The following IMMP1L variants were observed in gnomAD, a reference collection of about 807,000 sequenced individuals.
The protein encoded by IMMP1L is mitochondrial inner membrane protease subunit 1.
A neutral mutation model predicts 21.8 loss-of-function variants in IMMP1L; 24 were observed. The ratio of observed to expected loss-of-function variants is 1.10; its 90% CI spans 0.80 to 1.55. The LOEUF (loss-of-function observed/expected upper bound fraction) is 1.55. Ranked by LOEUF, IMMP1L falls within the 40% of genes most tolerant of loss-of-function variation. IMMP1L has a pLI of 0.00. For missense variants in IMMP1L, 195 were observed against 200.7 expected, an observed-to-expected ratio of 0.97 and a Z score of 0.17; for synonymous variants, 46 against 62.8, an observed-to-expected ratio of 0.73 and a Z score of 1.26.
intron 1 of IMMP1L, among the ~76,000 whole-genome samples, chr11:31,465,568 C>A (rs1234274370): frequency 6.6e-6 from 1 of 151,960 alleles, no homozygotes; most frequent in African/African-American, 2.4e-5. Context: ...GCTATAGTAA[C>A]CAAAACAGCA....
At chr11:31,469,301 G>A (rs982299464) in intron 1 of IMMP1L, among the ~76,000 whole-genome samples, 2 of 151,932 alleles carry the variant, frequency 1.3e-5, no homozygotes, top group African/African-American at 4.8e-5. Context: ...AGCAACAGGT[G>A]ATTCAGGTAT....
intron 2 of IMMP1L, 31 bp downstream of exon 2, chr11:31,463,141 A>C: frequency 1.3e-6 from 2 of 1,543,538 alleles, no homozygotes; most frequent in Non-Finnish European, 1.8e-6. Context: ...GTATATATTT[A>C]AGATGAATAT....
chr11:31,464,941 T>C (rs1284458560), intron 1 of IMMP1L, among the ~76,000 whole-genome samples: 2 of 152,004 alleles, frequency 1.3e-5, no homozygotes, highest in Non-Finnish European at 2.9e-5. Flanking sequence ...GTCACAGCCA[T>C]AGCAATTAGG....
At chr11:31,471,196 C>A (rs1394323022) in intron 1 of IMMP1L, among the ~76,000 whole-genome samples, 2 of 152,242 alleles carry the variant, frequency 1.3e-5, no homozygotes, top group East Asian at 3.9e-4. Context: ...ATACACTGTA[C>A]ATATGTATCA....
intron 1 of IMMP1L, among the ~76,000 whole-genome samples, chr11:31,473,027 G>A (rs1245149604): frequency 1.3e-5 from 2 of 151,430 alleles, no homozygotes; most frequent in Non-Finnish European, 2.9e-5. Context: ...CACCTCGCAC[G>A]GCTAATTTTT....
chr11:31,486,552 T>C (rs1297283093), intron 1 of IMMP1L, among the ~76,000 whole-genome samples: 2 of 150,188 alleles, frequency 1.3e-5, no homozygotes, highest in African/African-American at 4.8e-5. Context: ...TTTTAGAATG[T>C]TCCCCAACAT....
intron 3 of IMMP1L, among the ~76,000 whole-genome samples, chr11:31,459,135 G>A (rs1954053259): frequency 6.6e-6 from 1 of 152,186 alleles, no homozygotes; most frequent in South Asian, 2.1e-4. Context: ...CTACAATTAA[G>A]TATATAGAAG....
intron 1 of IMMP1L, among the ~76,000 whole-genome samples, chr11:31,501,459 C>T (rs1160659058): frequency 2.6e-5 from 4 of 152,168 alleles, no homozygotes; most frequent in South Asian, 2.1e-4. Context: ...TATGTGATAA[C>T]ACAGCAAGGA....
At chr11:31,468,143 G>C (rs1031934426) in intron 1 of IMMP1L, among the ~76,000 whole-genome samples, 6 of 152,056 alleles carry the variant, frequency 3.9e-5, no homozygotes, top group African/African-American at 1.4e-4. Flanking sequence ...TTGGATCCTG[G>C]AGCAAAAGGA....
intron 1 of IMMP1L, 28 bp downstream of exon 1, chr11:31,509,491 G>C: frequency 2.1e-6 from 1 of 476,500 alleles, no homozygotes; most frequent in Non-Finnish European, 3.8e-6. Context: ...CACTCAAAAG[G>C]AGAAGAACGT....
At position 31,460,669 on chromosome 11, in the gene IMMP1L, C is replaced by A; in HGVS notation, c.151G>T (p.Val51Phe). The A allele has an allele frequency of 6.2e-7, 1 of 1,611,434 alleles. No individual in the cohort carries two copies. The highest frequency in any genetic ancestry group is 1.7e-5 in the Admixed American group (1 of 59,960). Residue 51 changes from valine (V) to phenylalanine (F), a missense_variant, in exon 3 of 6, where the codon GTC (valine) becomes TTC (phenylalanine). Transcript: ENST00000532287. ...MEPTIQNSDI[V>F]FAENLSRHFY... The stretch of plus-strand genomic sequence containing the variant: ...TGTCGACTAAGATTTTCTGCAAAGA[C>A]AATATCTGAATTTTGAATTGTAGGC...
chr11:31,491,807 C>T (rs1592031890), intron 1 of IMMP1L, among the ~76,000 whole-genome samples: 1 of 152,142 alleles, frequency 6.6e-6, no homozygotes, highest in Admixed American at 6.5e-5. Context: ...ATGAGATTAT[C>T]CAGGAAAGAT....
intron 4 of IMMP1L, among the ~76,000 whole-genome samples, chr11:31,453,938 A>G (rs963380281): frequency 2.0e-5 from 3 of 152,326 alleles, no homozygotes; most frequent in African/African-American, 7.2e-5. Flanking sequence ...TGAAGCCACT[A>G]TATGTGTTTC....
chr11:31,464,513 A>G (rs187675538), intron 1 of IMMP1L, among the ~76,000 whole-genome samples: 4 of 152,258 alleles, frequency 2.6e-5, no homozygotes, highest in Admixed American at 1.3e-4. Context: ...AAAATCCCCA[A>G]TGAGCTCAGA....
intron 4 of IMMP1L, among the ~76,000 whole-genome samples, chr11:31,454,795 A>T (rs1953885735): frequency 6.6e-6 from 1 of 152,214 alleles, no homozygotes; most frequent in South Asian, 2.1e-4. Flanking sequence ...AAAGAAATCA[A>T]CAACAATGAT....
chr11:31,503,933 T>C (rs1955703941), intron 1 of IMMP1L, among the ~76,000 whole-genome samples: 3 of 152,214 alleles, frequency 2.0e-5, no homozygotes, highest in Admixed American at 2.0e-4. Flanking sequence ...CTAATTTATG[T>C]GTGACTTTAT....
intron 4 of IMMP1L, among the ~76,000 whole-genome samples, chr11:31,434,679 C>G (rs1293198317): frequency 2.6e-5 from 4 of 151,878 alleles, no homozygotes; most frequent in Non-Finnish European, 4.4e-5. Context: ...CTTACGTAAG[C>G]GATTTTAAGA....
At position 31,470,802 on chromosome 11, in the gene IMMP1L, T is replaced by C. The variant is rs550444477; in HGVS notation, c.-29-7497A>G. Among the ~76,000 whole-genome samples, 6 of 152,236 alleles carry C rather than the reference T, an allele frequency of 3.9e-5. No individual in the cohort carries two copies. The East Asian group carries it at 1.2e-3, about 29-fold the overall frequency. ...CATACTATTCAGCCACAAAAACCAA[T>C]GAAATCCTGTCAAACAAGGCAACAT... is the stretch of plus-strand genomic sequence containing the variant. On this transcript the variant is annotated intron_variant, in intron 1 of 5. Transcript: ENST00000532287.
intron 1 of IMMP1L, 69 bp downstream of exon 1, chr11:31,509,450 A>T: frequency 2.9e-6 from 1 of 348,800 alleles, no homozygotes; most frequent in South Asian, 3.7e-5. Context: ...TTGTTTCACC[A>T]ACCTTTTCTT....
Sources: gnomAD v4.1 joint callset for allele counts (sites outside exome capture counted in the v4.1 genomes callset) on GRCh38, gnomAD v4.1.1 for gene constraint, MANE v1.5 for transcripts, NCBI Gene and HGNC (gene_info 2026-07-23, HGNC 2026-07-21) for gene names.